TAFA2: variants seen among roughly 807,000 people sequenced by gnomAD.
TAFA2 encodes the protein TAFA chemokine like family member 2, also known as chemokine-like protein TAFA-2.
TAFA2 carries 7 observed loss-of-function variants against 18.8 expected under a neutral mutation model. The observed-to-expected ratio is 0.37, with a 90% CI of 0.21 to 0.70. The LOEUF (loss-of-function observed/expected upper bound fraction) is 0.70, where lower values mean the gene tolerates loss of function less well. TAFA2 is among the 30% of genes least tolerant of loss of function. TAFA2 has a pLI of 0.53. For missense variants in TAFA2, 122 were observed against 158.1 expected (o/e 0.77, Z 1.23); for synonymous variants, 60 against 54.2 (o/e 1.11, Z -0.47).
intron 1 of TAFA2, among the ~76,000 whole-genome samples, chr12:62,017,718 G>A (rs1480390991): frequency 6.6e-6 from 1 of 152,072 alleles, no homozygotes; most frequent in Non-Finnish European, 1.5e-5. Flanking sequence ...GGTTCCTCTT[G>A]TTTTTCACAT....
At chr12:62,108,993 A>G (rs1272385565) in intron 1 of TAFA2, among the ~76,000 whole-genome samples, 1 of 152,212 alleles carries the variant, frequency 6.6e-6, no homozygotes, top group East Asian at 1.9e-4. Context: ...ATTAGATCCA[A>G]TTTGTCAATT....
chr12:61,780,019 G>A (rs1870437276), intron 2 of TAFA2, among the ~76,000 whole-genome samples: 1 of 151,742 alleles, frequency 6.6e-6, no homozygotes, highest in Admixed American at 6.6e-5. Context: ...ATGTGTTTGA[G>A]GACATCAGAT....
intron 1 of TAFA2, among the ~76,000 whole-genome samples, chr12:62,134,159 C>CACCA (rs1313563076): frequency 6.6e-6 from 1 of 151,852 alleles, no homozygotes; most frequent in Non-Finnish European, 1.5e-5. Context: ...CTGCTTCCTC[C>CACCA]ACCAAGTCAT....
At chr12:62,072,663 TC>T (rs1882662691) in intron 1 of TAFA2, among the ~76,000 whole-genome samples, 1 of 151,870 alleles carries the variant, frequency 6.6e-6, no homozygotes, top group Admixed American at 6.6e-5. Context: ...GCACCTGTAG[TC>T]CCAGCCAGCT....
At chr12:62,219,312 C>T (rs893466248) in intron 1 of TAFA2, among the ~76,000 whole-genome samples, 7 of 152,050 alleles carry the variant, frequency 4.6e-5, no homozygotes, top group African/African-American at 1.7e-4. Flanking sequence ...TCATAGGTCA[C>T]AATTTTATTA....
At chr12:62,058,201 G>A (rs958015259) in intron 1 of TAFA2, among the ~76,000 whole-genome samples, 1 of 152,112 alleles carries the variant, frequency 6.6e-6, no homozygotes, top group Non-Finnish European at 1.5e-5. Flanking sequence ...TTACTGTGGA[G>A]CTGATTATAA....
At chr12:62,182,830 T>C (rs1565772777) in intron 1 of TAFA2, among the ~76,000 whole-genome samples, 1 of 152,238 alleles carries the variant, frequency 6.6e-6, no homozygotes, top group African/African-American at 2.4e-5. Context: ...TATTTAACTA[T>C]TTTAATTATT....
chr12:61,880,109 G>T, intron 1 of TAFA2: 1 of 625,638 alleles, frequency 1.6e-6, no homozygotes, highest in Admixed American at 2.2e-5. Context: ...CATCACTGAG[G>T]TCAAGGCCCA....
chr12:62,258,810 C>A, exon 1 of TAFA2: 1 of 334,538 alleles, frequency 3.0e-6, no homozygotes, highest in South Asian at 2.1e-5. Flanking sequence ...AGCTTCCCTT[C>A]AGAAAATTAC....
At chr12:62,127,368 A>C (rs1870506827) in intron 1 of TAFA2, among the ~76,000 whole-genome samples, 1 of 151,328 alleles carries the variant, frequency 6.6e-6, no homozygotes. Flanking sequence ...GGTATAATAA[A>C]CCTTTATTTT....
intron 1 of TAFA2, among the ~76,000 whole-genome samples, chr12:62,236,272 CTTT>C (rs58214265): frequency 2.5e-5 from 3 of 120,634 alleles, no homozygotes; most frequent in Non-Finnish European, 3.7e-5. Flanking sequence ...TTTTTTTTTT[CTTT>C]TTTTTTTTTG....
intron 2 of TAFA2, among the ~76,000 whole-genome samples, chr12:61,764,108 A>G (rs766390282): frequency 1.3e-5 from 2 of 152,022 alleles, no homozygotes; most frequent in Non-Finnish European, 2.9e-5. Context: ...AGGAAACATA[A>G]TCTAACAGTC....
At chr12:61,821,868 T>C (rs1417557345) in intron 2 of TAFA2, among the ~76,000 whole-genome samples, 2 of 152,154 alleles carry the variant, frequency 1.3e-5, no homozygotes, top group African/African-American at 4.8e-5. Flanking sequence ...TTTTAGTTTA[T>C]AAGTCATTTT....
chr12:62,186,352 C>A (rs1051614036), intron 1 of TAFA2, among the ~76,000 whole-genome samples: 21 of 151,986 alleles, frequency 1.4e-4, no homozygotes, highest in African/African-American at 5.1e-4. Context: ...GTAAAACAAA[C>A]CTTGCATTCA....
chr12:62,030,289 G>A (rs1025327410), intron 1 of TAFA2, among the ~76,000 whole-genome samples: 9 of 152,150 alleles, frequency 5.9e-5, no homozygotes, highest in African/African-American at 2.2e-4. Context: ...TAAGGTCATG[G>A]AGAAGTGGAA....
At chr12:61,860,464 A>G (rs1482312342) in intron 2 of TAFA2, among the ~76,000 whole-genome samples, 2 of 152,206 alleles carry the variant, frequency 1.3e-5, no homozygotes, top group Non-Finnish European at 2.9e-5. Flanking sequence ...AAGCCAGCCC[A>G]AGAGATCCTT....
upstream of TAFA2, among the ~76,000 whole-genome samples, chr12:62,193,791 G>A (rs10877809): frequency 0.29 from 44,291 of 152,088 alleles, 7,147 homozygotes; most frequent in African/African-American, 0.43. Flanking sequence ...ATTGTAAAAT[G>A]TGTATTAAAG....
At chr12:62,236,252 GTTTTTTTTCTTTTTT>G (rs758194435) in intron 1 of TAFA2, among the ~76,000 whole-genome samples, 1 of 134,920 alleles carries the variant, frequency 7.4e-6, no homozygotes, top group Non-Finnish European at 1.6e-5. Flanking sequence ...GCCTTCAAAT[GTTTTTTTTCTTTTTT>G]TTTTCTTTTT....
intron 1 of TAFA2, among the ~76,000 whole-genome samples, chr12:62,208,481 A>T (rs954298555): frequency 5.1e-4 from 18 of 34,984 alleles, no homozygotes; most frequent in East Asian, 4.5e-3. Context: ...TTCTAGTTAA[A>T]AAAAAAAGGC....
Sources: gnomAD v4.1 joint callset for allele counts (sites outside exome capture counted in the v4.1 genomes callset) on GRCh38, gnomAD v4.1.1 for gene constraint, MANE v1.5 for transcripts, NCBI Gene and HGNC (gene_info 2026-07-23, HGNC 2026-07-21) for gene names.